The following SP140 variants were observed in gnomAD, a reference collection of about 807,000 sequenced individuals.
SP140 encodes the protein nuclear body protein SP140.
In SP140, 81 loss-of-function variants were observed where a neutral mutation model predicts 125.0. That is an observed-to-expected ratio of 0.65 (90% confidence interval 0.54 to 0.78). The LOEUF (loss-of-function observed/expected upper bound fraction) is 0.78. Among genes scored for constraint, SP140 ranks in the 30% least tolerant of loss-of-function variants. The pLI is 0.00. For missense variants in SP140, 858 were observed against 1,037.0 expected (o/e 0.83, Z 2.37); for synonymous variants, 312 against 354.0 (o/e 0.88, Z 1.33).
intron 1 of SP140, among the ~76,000 whole-genome samples, chr2:230,226,336 G>T (rs913563626): frequency 6.6e-6 from 1 of 152,114 alleles, no homozygotes; most frequent in African/African-American, 2.4e-5. Flanking sequence ...GTGTAGTTGG[G>T]GACCGGTTCT....
intron 1 of SP140, among the ~76,000 whole-genome samples, chr2:230,208,974 A>G (rs1359221313): frequency 3.3e-5 from 5 of 152,210 alleles, no homozygotes; most frequent in Non-Finnish European, 5.9e-5. Context: ...GCTTGGAAGG[A>G]GGAAAGGCCA....
chr2:230,199,765 G>T (rs1574660491), upstream of SP140, among the ~76,000 whole-genome samples: 1 of 151,916 alleles, frequency 6.6e-6, no homozygotes, highest in East Asian at 1.9e-4. Context: ...TTATCCATAG[G>T]ATCTTGGAAG....
chr2:230,265,792 G>A (rs79777754), intron 12 of SP140, among the ~76,000 whole-genome samples: 1 of 52,090 alleles, frequency 1.9e-5, no homozygotes, highest in Non-Finnish European at 4.9e-5. Flanking sequence ...CAGTTTTACG[G>A]GGGGGGGCGG....
At chr2:230,253,538 T>C (rs964880118) in intron 11 of SP140, 121 bp downstream of exon 11, 10 of 716,610 alleles carry the variant, frequency 1.4e-5, no homozygotes, top group Middle Eastern at 2.4e-4. Context: ...TACATACAGA[T>C]GGAATTATGT....
chr2:230,247,620 C>T (rs1008309160), intron 7 of SP140, among the ~76,000 whole-genome samples: 3 of 152,196 alleles, frequency 2.0e-5, no homozygotes, highest in African/African-American at 7.2e-5. Context: ...GTTGGCTTAT[C>T]TTACATTTCT....
In SP140 at chr2:230,248,068, A is replaced by G. The variant is rs771719899; in HGVS notation, c.892+3A>G. 5.0e-6 allele frequency: 8 copies of G among 1,612,904 alleles called. No homozygotes were observed. The highest frequency in any genetic ancestry group is 5.9e-6 in the Non-Finnish European group (7 of 1,179,502). ...GAGTCCAGAGGGAAGAGACAAAGGT[A>G]GGAACAGAAGAAGCAGAGACATGTG... is the stretch of plus-strand genomic sequence containing the variant. On this transcript the variant is annotated splice_donor_region_variant and intron_variant, in intron 8 of 26. Transcript: ENST00000392045.
intron 1 of SP140, among the ~76,000 whole-genome samples, chr2:230,213,263 CA>C (rs1386181569): frequency 6.6e-6 from 1 of 152,150 alleles, no homozygotes; most frequent in Non-Finnish European, 1.5e-5. Context: ...GATCTAATAC[CA>C]AAATGGTTTC....
At chr2:230,222,585 A>G (rs1313577758), upstream of SP140, among the ~76,000 whole-genome samples, 1 of 151,944 alleles carries the variant, frequency 6.6e-6, no homozygotes, top group African/African-American at 2.4e-5. Flanking sequence ...TTAATTGGGC[A>G]TGTTGGCATA....
chr2:230,192,241 C>T, the SP140 span, among the ~76,000 whole-genome samples: 1 of 152,216 alleles, frequency 6.6e-6, no homozygotes, highest in Non-Finnish European at 1.5e-5. Context: ...AGGATGCCCT[C>T]TCTCACCATT....
intron 18 of SP140, among the ~76,000 whole-genome samples, chr2:230,290,227 T>G: frequency 6.6e-6 from 1 of 152,240 alleles, no homozygotes; most frequent in East Asian, 1.9e-4. Context: ...TACTGAAGTC[T>G]AATTTCTCTG....
intron 22 of SP140, among the ~76,000 whole-genome samples, chr2:230,298,206 A>G (rs1252918050): frequency 6.6e-6 from 1 of 152,182 alleles, no homozygotes; most frequent in African/African-American, 2.4e-5. Context: ...GATTCTGCCA[A>G]AATCATGGAT....
chr2:230,204,800 C>T (rs77465610), intron 1 of SP140, among the ~76,000 whole-genome samples: 2,565 of 152,168 alleles, frequency 0.017, 50 homozygotes, highest in African/African-American at 0.056. Context: ...CTGAGATAGA[C>T]ATAAGTCAAC....
intron 1 of SP140, among the ~76,000 whole-genome samples, chr2:230,236,849 G>A (rs1206101980): frequency 1.3e-5 from 2 of 152,060 alleles, no homozygotes; most frequent in African/African-American, 4.8e-5. Context: ...ATTGGAACAG[G>A]GTGAGCCTTT....
At chr2:230,238,144 C>T (rs1184871870) in intron 2 of SP140, 69 bp from the exon 3 acceptor site, 2 of 1,128,056 alleles carry the variant, frequency 1.8e-6, no homozygotes, top group Non-Finnish European at 2.6e-6. Flanking sequence ...GATGTTCTAT[C>T]TACAACCTAA....
At chr2:230,287,289 A>T (rs907974135) in intron 17 of SP140, among the ~76,000 whole-genome samples, 3 of 152,222 alleles carry the variant, frequency 2.0e-5, no homozygotes, top group Non-Finnish European at 4.4e-5. Context: ...TATTACTTTC[A>T]GCACGAGGGT....
intron 3 of SP140, chr2:230,238,698 G>A: frequency 2.4e-6 from 3 of 1,272,200 alleles, no homozygotes; most frequent in Non-Finnish European, 3.3e-6. Context: ...TCATGGGAAA[G>A]GAGGAAGCCT....
rs765229595 is a variant in SP140 at position 230,211,496 on chromosome 2, G to A, written c.-322-2158G>A. ...TGGCATAGAGCCCAAGGGAGAGTGG[G>A]GCATCTCTTGAGGGTCTTCTTTATC... is the stretch of plus-strand genomic sequence containing the variant. On this transcript the variant is annotated intron_variant, in intron 1 of 4. Coordinates refer to the SP140 transcript ENST00000456542. The surrounding 1 kb of genome is among the most constrained non-coding windows in gnomAD (Gnocchi z 4.2). 4.4e-6 allele frequency: 7 copies of A among 1,609,012 alleles called. No homozygotes were observed. The highest frequency in any genetic ancestry group is 4.5e-5 in the East Asian group (2 of 44,854).
At chr2:230,215,896 GA>G (rs930499933) in intron 3 of SP140, among the ~76,000 whole-genome samples, 10 of 152,194 alleles carry the variant, frequency 6.6e-5, no homozygotes, top group African/African-American at 2.4e-4. Context: ...GGGTCTTCAT[GA>G]GATGAGTTGG....
At chr2:230,196,058 A>C in the SP140 span, among the ~76,000 whole-genome samples, 1 of 152,230 alleles carries the variant, frequency 6.6e-6, no homozygotes, top group African/African-American at 2.4e-5. Context: ...AAACATTTAA[A>C]AAGTTTTATT....
Sources: allele counts gnomAD v4.1 joint callset (sites outside exome capture counted in the v4.1 genomes callset), GRCh38; gene constraint gnomAD v4.1.1; non-coding constraint Gnocchi (gnomAD v3.1); transcripts MANE v1.5; gene names NCBI Gene and HGNC (gene_info 2026-07-23, HGNC 2026-07-21).